Variants in SPINDOC observed in about 807,000 individuals in gnomAD.
The protein encoded by SPINDOC is spindlin interactor and repressor of chromatin-binding protein.
Under a neutral mutation model 30.7 loss-of-function variants are expected in SPINDOC, and 13 were observed. The ratio of observed to expected loss-of-function variants is 0.42; its 90% confidence interval spans 0.28 to 0.67. The LOEUF is 0.67. Among genes scored for constraint, SPINDOC ranks in the 30% least tolerant of loss-of-function variants. The pLI, the probability that SPINDOC is intolerant of heterozygous loss-of-function variation, is 0.22. For synonymous variants in SPINDOC, 228 were observed against 211.4 expected, an observed-to-expected ratio of 1.08 and a Z score of -0.68; for missense variants, 438 against 518.0, an observed-to-expected ratio of 0.85 and a Z score of 1.50.
In SPINDOC at chr11:63,827,255, A is replaced by AG. The variant is rs1340045288; in HGVS notation, c.*118dup. ...AGAGAGTAGAAACAGGTGCCAGGGC[A>AG]GGAGGGGGCTGGGGCAGCATCCACT... On this transcript the variant is annotated 3_prime_UTR_variant, in exon 6 of 6. Transcript: ENST00000294244. 3 of 1,484,416 alleles carry AG rather than the reference A, an allele frequency of 2.0e-6. No individual in the cohort carries two copies. The African/African-American group carries it at 4.2e-5, about 21-fold the overall frequency. The allele number at this position is 1,484,416 out of a possible 1,614,324, so 92.0% of individuals were successfully genotyped here.
chr11:63,813,838 C>T (rs1156553878), intron 1 of SPINDOC, 25 bp downstream of exon 1: 1 of 1,501,084 alleles, frequency 6.7e-7, no homozygotes, highest in East Asian at 2.7e-5. Context: ...GATTCCACTT[C>T]CGCGTCACGG....
chr11:63,817,343 C>T (rs2015368272), intron 1 of SPINDOC, among the ~76,000 whole-genome samples: 1 of 152,086 alleles, frequency 6.6e-6, no homozygotes. Flanking sequence ...GAGACTCTGT[C>T]TCAAAATAAA....
chr11:63,825,384 T>C (rs1006163614), intron 5 of SPINDOC, among the ~76,000 whole-genome samples: 1 of 152,198 alleles, frequency 6.6e-6, no homozygotes, highest in Admixed American at 6.6e-5. Flanking sequence ...CACTGGCTCC[T>C]CACTCCCTCT....
intron 1 of SPINDOC, among the ~76,000 whole-genome samples, chr11:63,815,127 AG>A (rs2015304547): frequency 1.3e-5 from 2 of 152,262 alleles, no homozygotes; most frequent in Non-Finnish European, 2.9e-5. Context: ...AGATCACTAA[AG>A]CAGGAAAAGG....
intron 5 of SPINDOC, 64 bp downstream of exon 5, chr11:63,819,066 CAG>C (rs2015437119): frequency 1.9e-6 from 2 of 1,060,452 alleles, no homozygotes; most frequent in African/African-American, 4.0e-5. Flanking sequence ...GGCCAGGCCT[CAG>C]AGAGGCTGCT....
At chr11:63,821,233 GGCCTCCTTCCATCTTCAAAGCCA>G (rs2015512965) in intron 5 of SPINDOC, among the ~76,000 whole-genome samples, 1 of 152,036 alleles carries the variant, frequency 6.6e-6, no homozygotes, top group Non-Finnish European at 1.5e-5. Context: ...CTTGGCTTGT[GGCCTCCTTCCATCTTCAAAGCCA>G]GCAGTGGCTA....
At chr11:63,822,945 A>G in intron 5 of SPINDOC, 1 of 1,220,790 alleles carries the variant, frequency 8.2e-7, no homozygotes, top group South Asian at 1.3e-5. Context: ...TGCTTGAGTG[A>G]TCTGAGGGGG....
chr11:63,826,982 T>G lies in SPINDOC; in HGVS notation c.989T>G (p.Met330Arg). 6.2e-7 allele frequency: 1 copy of G among 1,613,014 alleles called. No individual in the cohort carries two copies. Among genetic ancestry groups the G allele is most frequent in the Non-Finnish European group, 8.5e-7 (1 of 1,179,060 alleles). The change falls in exon 6 of 6, where the codon ATG becomes AGG. Residue 330 changes from methionine (M) to arginine (R), a missense_variant. Around this residue, in one of 3 missense-constraint regions of SPINDOC, gnomAD observed 300 missense variants for 332.8 expected, o/e 0.90. Transcript: ENST00000294244. ...TLDLQVIRVR[M>R]EEPPAVSLLQ... ...GATCTCCAGGTTATCCGCGTGCGGA[T>G]GGAGGAGCCCCCAGCGGTCAGCCTC...
rs1418472229 is a variant in SPINDOC at position 63,822,528 on chromosome 11, G to T, written c.934+3526G>T. ...GAGCTCTCTGTGTGTTTGCGTGTGT[G>T]TGTAGTTGCTTTTGTTTATTTGCCT... On this transcript the variant is annotated intron_variant, in intron 5 of 5. Transcript: ENST00000294244. 5 of 999,542 alleles carry T rather than the reference G, an allele frequency of 5.0e-6. No homozygotes were observed. The East Asian group carries it at 3.0e-4, about 60-fold the overall frequency. The allele number at this position is 999,542 out of a possible 1,614,324, so 61.9% of individuals were successfully genotyped here.
intron 1 of SPINDOC, among the ~76,000 whole-genome samples, chr11:63,817,508 G>A (rs187741420): frequency 1.6e-3 from 241 of 152,312 alleles, no homozygotes; most frequent in Middle Eastern, 3.4e-3. Context: ...CTGGACAGAT[G>A]TGCAAAGGCT....
chr11:63,819,074 C>T, intron 5 of SPINDOC, 72 bp downstream of exon 5: 1 of 793,648 alleles, frequency 1.3e-6, no homozygotes, highest in Non-Finnish European at 1.8e-6. Context: ...CTCAGAGAGG[C>T]TGCTCTATGG....
intron 1 of SPINDOC, among the ~76,000 whole-genome samples, chr11:63,815,462 G>A (rs982802772): frequency 6.6e-6 from 1 of 152,232 alleles, no homozygotes; most frequent in African/African-American, 2.4e-5. Flanking sequence ...ATATGATTAC[G>A]TTTGAGATGC....
intron 1 of SPINDOC, among the ~76,000 whole-genome samples, chr11:63,816,898 T>C (rs1458570213): frequency 6.6e-6 from 1 of 152,212 alleles, no homozygotes; most frequent in Non-Finnish European, 1.5e-5. Flanking sequence ...ACGGGCATGG[T>C]GGCTCATGCC....
rs757534040 is a variant in SPINDOC, at chr11:63,818,169, G to A, written c.457+35G>A. 34 of 1,613,120 alleles carry A rather than the reference G, an allele frequency of 2.1e-5. No individual in the cohort carries two copies. The highest frequency in any genetic ancestry group is 5.0e-5 in the Admixed American group (3 of 59,982). The stretch of plus-strand genomic sequence containing the variant: ...CCTGGGGCTGGCGAAGGGAGAAGTC[G>A]GACTTGTTGGGGCACTAGAAGCTCA... On this transcript the variant is annotated intron_variant, in intron 2 of 5. Coordinates refer to ENST00000294244, the MANE Select transcript of SPINDOC (RefSeq NM_138471.3). The surrounding 1 kb of genome is among the most constrained non-coding windows in gnomAD (Gnocchi z 5.3).
At chr11:63,814,816 A>G (rs946949188) in intron 1 of SPINDOC, among the ~76,000 whole-genome samples, 17 of 152,194 alleles carry the variant, frequency 1.1e-4, no homozygotes, top group Non-Finnish European at 1.9e-4. Flanking sequence ...TTGTTTTCCT[A>G]CTTCTGCTAA....
At position 63,827,095 on chromosome 11, in the gene SPINDOC, A is replaced by C. The variant is rs377161694; in HGVS notation, c.1102A>C (p.Ser368Arg). 1 of 1,564,652 alleles carries C rather than the reference A, an allele frequency of 6.4e-7. No homozygotes were observed. The highest frequency in any genetic ancestry group is 8.7e-7 in the Non-Finnish European group (1 of 1,151,020). The change falls in exon 6 of 6, where the codon AGC becomes CGC. Residue 368 changes from serine to arginine, a missense_variant. Physicochemically the swap from Ser to Arg is moderately radical, Grantham distance 110. Coordinates refer to ENST00000294244, the MANE Select transcript of SPINDOC (RefSeq NM_138471.3). The part of the protein sequence containing the change: ...SDWPTVLSES[S>R]TTVAGKPEKG... Reference sequence around the variant, plus strand: ...CTGGCCCACAGTTCTGTCAGAATCCAGCACCACTGTGGCAGGGAAGCCGGA... The same window carrying C: ...CTGGCCCACAGTTCTGTCAGAATCCCGCACCACTGTGGCAGGGAAGCCGGA...
At chr11:63,826,476 C>T (rs1437868644) in intron 5 of SPINDOC, among the ~76,000 whole-genome samples, 2 of 152,178 alleles carry the variant, frequency 1.3e-5, no homozygotes, top group Non-Finnish European at 2.9e-5. Flanking sequence ...CACGTAGTCC[C>T]TCATGAGCTC....
rs545423456 is a variant in SPINDOC, at chr11:63,816,883, T to C, written c.128-922T>C. Among the ~76,000 whole-genome samples, 9 of 152,232 alleles carry C rather than the reference T, an allele frequency of 5.9e-5. No individual in the cohort carries two copies. In the East Asian group the frequency reaches 1.5e-3, roughly 26 times the overall value. On this transcript the variant is annotated intron_variant, in intron 1 of 5. Transcript: ENST00000294244. ...GAGTTCTGAGGGGATGGGGTGGCCT[T>C]TAGAACGGGCATGGTGGCTCATGCC... is the stretch of plus-strand genomic sequence containing the variant.
At chr11:63,826,694 G>C (rs1296926838) in intron 5 of SPINDOC, among the ~76,000 whole-genome samples, 1 of 152,128 alleles carries the variant, frequency 6.6e-6, no homozygotes, top group Non-Finnish European at 1.5e-5. Context: ...CCTGGCTTCA[G>C]CTGGCTTGTC....
Sources: allele counts gnomAD v4.1 joint callset (sites outside exome capture counted in the v4.1 genomes callset), GRCh38; gene constraint gnomAD v4.1.1; regional missense constraint gnomAD v4.1.1; non-coding constraint Gnocchi (gnomAD v3.1); transcripts MANE v1.5; gene names NCBI Gene and HGNC (gene_info 2026-07-23, HGNC 2026-07-21).